Variants in RBBP9 observed in about 807,000 individuals in gnomAD.
RBBP9 encodes the protein RB binding protein 9, serine hydrolase, also known as serine hydrolase RBBP9.
In RBBP9, 20 loss-of-function variants were observed where a neutral mutation model predicts 24.2. That is an observed-to-expected ratio of 0.83 (90% confidence interval 0.58 to 1.20). RBBP9 has a LOEUF of 1.20. Among genes scored for constraint, RBBP9 ranks in the 50% most tolerant of loss-of-function variants. The pLI is 0.00. For synonymous variants in RBBP9, 74 were observed against 84.6 expected (o/e 0.87, Z 0.69); for missense variants, 234 against 233.6 (o/e 1.00, Z -0.01).
chr20:18,490,899 G>A (rs188700082), intron 3 of RBBP9, among the ~76,000 whole-genome samples: 1 of 151,842 alleles, frequency 6.6e-6, no homozygotes, highest in African/African-American at 2.4e-5. Context: ...GGCTGGTCTT[G>A]AACTCCTGAC....
At position 18,487,367 on chromosome 20, in the gene RBBP9, C is replaced by A. The variant is rs984637043; in HGVS notation, c.*2397G>T. On this transcript the variant is annotated 3_prime_UTR_variant, in exon 5 of 5. Transcript: ENST00000337227. ...TCATTTCTACAGAGAAAGAGGTCAACAAAGTTTTGTGAACTAAATTGTATA... is the reference window on the plus strand; with the variant it reads ...TCATTTCTACAGAGAAAGAGGTCAAAAAAGTTTTGTGAACTAAATTGTATA... 1 of 152,076 alleles carries A rather than the reference C, an allele frequency of 6.6e-6. No individual in the cohort carries two copies. Among genetic ancestry groups the A allele is most frequent in the African/African-American group, 2.4e-5 (1 of 41,400 alleles). The allele number at this position is 152,076 out of a possible 1,614,324, so 9.4% of individuals were successfully genotyped here. A position where few individuals can be genotyped will look rare whatever the true frequency, so the allele number is the denominator to read the frequency against.
At chr20:18,495,709 G>T (rs2059884153) in intron 2 of RBBP9, 129 bp downstream of exon 2, 1 of 719,062 alleles carries the variant, frequency 1.4e-6, no homozygotes, top group Non-Finnish European at 2.2e-6. Context: ...CAAGCTGCTT[G>T]CCTTATTCTT....
rs770235895 is a variant in RBBP9 at position 18,490,449 on chromosome 20, C to A, written c.280G>T (p.Val94Leu). 1.9e-6 allele frequency: 3 copies of A among 1,613,626 alleles called. No homozygotes were observed. The highest frequency in any genetic ancestry group is 2.5e-6 in the Non-Finnish European group (3 of 1,179,666). ...TCTGATGTGTACGCAGACACTAATA[C>A]AATAGCATATACTCGATGTGTTTCT... ...YAETHRVYAI[V>L]LVSAYTSDLG... The change falls in exon 4 of 5, where the codon GTA becomes TTA. Residue 94 changes from valine (V) to leucine (L), a missense_variant. By Grantham distance (32) the Val-to-Leu change is conservative (BLOSUM62 1). Coordinates refer to ENST00000337227, the MANE Select transcript of RBBP9 (RefSeq NM_006606.3).
In RBBP9 at chr20:18,497,171, T is replaced by TGCAGCGAGGCCAGAGTTCC. The variant is rs761851781; in HGVS notation, c.-23_-5dup. On this transcript the variant is annotated 5_prime_UTR_variant, in exon 1 of 5. Transcript: ENST00000337227. ...CTGCCTTGCTAGGAGAAGCCATGAG[T>TGCAGCGAGGCCAGAGTTCC]GCAGCGAGGCCAGAGTTCCCCAGCG... 6.2e-7 allele frequency: 1 copy of TGCAGCGAGGCCAGAGTTCC among 1,611,888 alleles called. No individual in the cohort carries two copies.
intron 1 of RBBP9, 80 bp downstream of exon 1, chr20:18,496,989 T>C: frequency 1.7e-6 from 2 of 1,201,064 alleles, no homozygotes; most frequent in Non-Finnish European, 2.4e-6. Context: ...TAGACGCCTA[T>C]TCAAACTTCA....
chr20:18,494,284 T>C (rs1450866920), intron 2 of RBBP9, among the ~76,000 whole-genome samples: 9 of 17,476 alleles, frequency 5.1e-4, no homozygotes, highest in South Asian at 2.7e-3. Flanking sequence ...TCTTTTCTCT[T>C]TTTTTTTTTT....
chr20:18,492,893 G>A (rs1323497143), intron 3 of RBBP9, among the ~76,000 whole-genome samples: 4 of 152,182 alleles, frequency 2.6e-5, no homozygotes, highest in Non-Finnish European at 4.4e-5. Flanking sequence ...AATACAAGGA[G>A]CTCTTCCTTT....
In RBBP9 at chr20:18,489,351, G is replaced by C. The variant is rs2059855770; in HGVS notation, c.*413C>G. Reference sequence around the variant, plus strand: ...TTTTGAGCTCTAAGCTAACACTCTGGACTTTCAGTCATGTTTTCTTTCCCC... The same window carrying C: ...TTTTGAGCTCTAAGCTAACACTCTGCACTTTCAGTCATGTTTTCTTTCCCC... On this transcript the variant is annotated 3_prime_UTR_variant, in exon 5 of 5. Coordinates refer to ENST00000337227, the MANE Select transcript of RBBP9 (RefSeq NM_006606.3). The C allele has an allele frequency of 6.4e-6, 1 of 155,670 alleles. No individual in the cohort carries two copies. The highest frequency in any genetic ancestry group is 1.4e-5 in the Non-Finnish European group (1 of 70,266). The allele number at this position is 155,670 out of a possible 1,614,324, so 9.6% of individuals were successfully genotyped here.
chr20:18,490,020 A>T (rs3748450), intron 4 of RBBP9, 30 bp from the exon 5 acceptor site: 1 of 1,470,610 alleles, frequency 6.8e-7, no homozygotes, highest in Non-Finnish European at 9.4e-7. Flanking sequence ...ATCTTTCAGT[A>T]CCCATGGATA....
chr20:18,495,533 C>CCTG (rs1371234954), intron 2 of RBBP9, among the ~76,000 whole-genome samples: 1 of 149,512 alleles, frequency 6.7e-6, no homozygotes, highest in Non-Finnish European at 1.5e-5. Context: ...CCACTATTGT[C>CCTG]CTGTGACCCT....
At chr20:18,496,257 C>A (rs1229339133) in intron 1 of RBBP9, among the ~76,000 whole-genome samples, 1 of 152,198 alleles carries the variant, frequency 6.6e-6, no homozygotes, top group Non-Finnish European at 1.5e-5. Context: ...AGACAGCATA[C>A]TCTCAGAAGC....
At chr20:18,493,146 ACTTAG>A (rs139305131) in intron 3 of RBBP9, among the ~76,000 whole-genome samples, 8,624 of 152,244 alleles carry the variant, frequency 0.057, 345 homozygotes, top group Non-Finnish European at 0.083. Context: ...TATAGGCTAA[ACTTAG>A]CTTATTCAGC....
At chr20:18,494,142 G>A (rs551901076) in intron 2 of RBBP9, 79 bp from the exon 3 acceptor site, 1 of 1,115,326 alleles carries the variant, frequency 9.0e-7, no homozygotes, top group African/African-American at 1.5e-5. Context: ...CTTTCAAACA[G>A]GCAACTATTC....
chr20:18,493,108 C>T (rs2059871550), intron 3 of RBBP9, among the ~76,000 whole-genome samples: 1 of 152,110 alleles, frequency 6.6e-6, no homozygotes, highest in Admixed American at 6.5e-5. Context: ...GTCATTTTGC[C>T]TAGCAAATAT....
Position 18,496,118 on chromosome 20 carries a change from G to C in RBBP9, c.100-238C>G, listed in dbSNP as rs528608164. ...TATCTGCATTTGTACACCCATATTT[G>C]CCTCTACAGGCCTGCATCTATAGAG... On this transcript the variant is annotated intron_variant, in intron 1 of 4. Coordinates refer to ENST00000337227, the MANE Select transcript of RBBP9 (RefSeq NM_006606.3). Among the ~76,000 whole-genome samples, 4 of 152,304 alleles carry C rather than the reference G, an allele frequency of 2.6e-5. No homozygotes were observed. In the South Asian group the frequency reaches 8.3e-4, roughly 32 times the overall value.
chr20:18,496,031 G>A (rs1328073422), intron 1 of RBBP9, 151 bp from the exon 2 acceptor site: 3 of 673,244 alleles, frequency 4.5e-6, no homozygotes, highest in Non-Finnish European at 5.0e-6. Flanking sequence ...CCATCTTTTC[G>A]CATGAACTCC....
At chr20:18,490,738 G>A (rs935351798) in intron 3 of RBBP9, among the ~76,000 whole-genome samples, 3 of 150,834 alleles carry the variant, frequency 2.0e-5, no homozygotes, top group African/African-American at 7.3e-5. Context: ...GGAGTGCAGT[G>A]GCACAATCTT....
intron 2 of RBBP9, 74 bp from the exon 3 acceptor site, chr20:18,494,137 A>C: frequency 8.6e-7 from 1 of 1,168,820 alleles, no homozygotes; most frequent in Non-Finnish European, 1.3e-6. Flanking sequence ...CCCACCTTTC[A>C]AACAGGCAAC....
intron 1 of RBBP9, 123 bp downstream of exon 1, chr20:18,496,946 C>T (rs4141877): frequency 2.7e-6 from 2 of 749,542 alleles, no homozygotes; most frequent in African/African-American, 1.8e-5. Flanking sequence ...GGGGGAGAGG[C>T]AGGAAAACAC....
Sources: allele counts gnomAD v4.1 joint callset (sites outside exome capture counted in the v4.1 genomes callset), GRCh38; gene constraint gnomAD v4.1.1; transcripts MANE v1.5; gene names NCBI Gene and HGNC (gene_info 2026-07-23, HGNC 2026-07-21).